Variants in NRP1 observed in about 807,000 individuals in gnomAD.
NRP1 encodes the protein neuropilin 1.
Under a neutral mutation model 106.7 loss-of-function variants are expected in NRP1, and 35 were observed. The ratio of observed to expected loss-of-function variants is 0.33; its 90% CI spans 0.25 to 0.43. The LOEUF (loss-of-function observed/expected upper bound fraction) is 0.43. Ranked by LOEUF, NRP1 falls within the 20% of genes least tolerant of loss-of-function variation. The pLI, the probability that NRP1 is intolerant of heterozygous loss-of-function variation, is 1.00. For missense variants in NRP1, 1,024 were observed against 1,170.4 expected (o/e 0.87, Z 1.83); for synonymous variants, 437 against 417.9 (o/e 1.05, Z -0.56).
chr10:33,209,117 G>A (rs1322620169), intron 9 of NRP1, among the ~76,000 whole-genome samples: 2 of 152,020 alleles, frequency 1.3e-5, no homozygotes, highest in East Asian at 3.9e-4. Flanking sequence ...ACGTTGGCCA[G>A]GCTGGTCTTG....
intron 2 of NRP1, among the ~76,000 whole-genome samples, chr10:33,321,237 T>C (rs1265621090): frequency 6.6e-6 from 1 of 152,198 alleles, no homozygotes; most frequent in African/African-American, 2.4e-5. Context: ...CCGCTTGCCT[T>C]GGCCTCGCAA....
At chr10:33,183,991 T>C (rs1835848225) in intron 15 of NRP1, among the ~76,000 whole-genome samples, 1 of 152,056 alleles carries the variant, frequency 6.6e-6, no homozygotes, top group Non-Finnish European at 1.5e-5. Flanking sequence ...CTTTCTTTTC[T>C]TTTCTCCCTT....
intron 6 of NRP1, among the ~76,000 whole-genome samples, chr10:33,246,118 G>A (rs1234864653): frequency 6.8e-6 from 1 of 146,536 alleles, no homozygotes; most frequent in Non-Finnish European, 1.5e-5. Flanking sequence ...AAATCATATT[G>A]GTAATTTCTT....
At chr10:33,260,655 CAG>C (rs1476851748) in intron 4 of NRP1, among the ~76,000 whole-genome samples, 1 of 152,140 alleles carries the variant, frequency 6.6e-6, no homozygotes, top group East Asian at 1.9e-4. Flanking sequence ...CCAATTTTTT[CAG>C]AGTTGCTACT....
chr10:33,330,914 T>A, intron 1 of NRP1, 32 bp from the exon 2 acceptor site: 1 of 1,558,728 alleles, frequency 6.4e-7, no homozygotes, highest in Non-Finnish European at 8.7e-7. Flanking sequence ...AGCAGATCTT[T>A]CCTGACAACC....
chr10:33,263,403 T>C (rs1360477557), intron 4 of NRP1, among the ~76,000 whole-genome samples: 1 of 152,200 alleles, frequency 6.6e-6, no homozygotes, highest in Non-Finnish European at 1.5e-5. Flanking sequence ...AAAAGAACCT[T>C]TTGTAATCTT....
At position 33,213,641 on chromosome 10, in the gene NRP1, C is replaced by G. The variant is rs1022670563; in HGVS notation, c.1359G>C (p.Gly453=). The G allele has an allele frequency of 4.3e-6, 7 of 1,613,848 alleles. No homozygotes were observed. Among genetic ancestry groups the G allele is most frequent in the Non-Finnish European group, 5.1e-6 (6 of 1,179,980 alleles). ...SDSQITSSNQ[G]DRNWMPENIR... ...TGTTTTCAGGCATCCAGTTTCTGTC[C>G]CCTTGGTTGGATGATGTGATCTGGG... Residue 453 remains glycine (G), a synonymous_variant, in exon 9 of 17, where the codon GGG becomes GGC. Transcript: ENST00000374867.
rs1356982238 is a variant in NRP1 at position 33,334,400 on chromosome 10, C to T, written c.-18G>A. On this transcript the variant is annotated 5_prime_UTR_variant, in exon 1 of 17. Coordinates refer to ENST00000374867, the MANE Select transcript of NRP1 (RefSeq NM_003873.7). ...CTCTCCATTCTCCCTTCTCCGGGTC[C>T]GCAGGCAGACGCGGGAGAACGAGGA... The T allele has an allele frequency of 7.1e-6, 11 of 1,541,504 alleles. No individual in the cohort carries two copies. Among genetic ancestry groups the T allele is most frequent in the Admixed American group, 5.9e-5 (3 of 50,894 alleles).
chr10:33,230,989 G>T (rs1840078782), intron 6 of NRP1, among the ~76,000 whole-genome samples: 1 of 151,958 alleles, frequency 6.6e-6, no homozygotes, highest in South Asian at 2.1e-4. Context: ...TACCTTTTTA[G>T]CCTCCTGCTA....
intron 6 of NRP1, among the ~76,000 whole-genome samples, chr10:33,239,166 C>T (rs1431512951): frequency 6.6e-6 from 1 of 151,834 alleles, no homozygotes; most frequent in Non-Finnish European, 1.5e-5. Context: ...TGGCATGCTC[C>T]TGTAGTCCAG....
chr10:33,310,426 T>C (rs1564477440), intron 2 of NRP1, among the ~76,000 whole-genome samples: 1 of 151,968 alleles, frequency 6.6e-6, no homozygotes, highest in Non-Finnish European at 1.5e-5. Flanking sequence ...AATTTTTGCA[T>C]TTTTAGTAGA....
chr10:33,199,743 CCATG>C (rs1837128725), intron 11 of NRP1, among the ~76,000 whole-genome samples: 1 of 151,990 alleles, frequency 6.6e-6, no homozygotes, highest in African/African-American at 2.4e-5. Flanking sequence ...TGGGGTGGGC[CCATG>C]CCTACCATGG....
At chr10:33,202,197 T>C (rs1837371734) in intron 11 of NRP1, 1 of 155,790 alleles carries the variant, frequency 6.4e-6, no homozygotes, top group African/African-American at 2.4e-5. Context: ...CCAAATGGTA[T>C]AATCCCATTT....
chr10:33,260,645 C>T (rs1171148881), intron 4 of NRP1, among the ~76,000 whole-genome samples: 2 of 152,126 alleles, frequency 1.3e-5, no homozygotes, highest in Non-Finnish European at 2.9e-5. Flanking sequence ...TAAACCTCCA[C>T]CAATTTTTTC....
At chr10:33,282,128 G>GTT (rs5784329) in intron 2 of NRP1, among the ~76,000 whole-genome samples, 62 of 149,320 alleles carry the variant, frequency 4.2e-4, no homozygotes, top group East Asian at 5.9e-4. Context: ...ACCATAGTAT[G>GTT]TTTTTTTTTT....
At chr10:33,218,827 T>C (rs948084534) in intron 8 of NRP1, among the ~76,000 whole-genome samples, 1 of 151,956 alleles carries the variant, frequency 6.6e-6, no homozygotes, top group Admixed American at 6.5e-5. Context: ...GTCCAGCCGC[T>C]TGTTTCTCAG....
chr10:33,241,117 AG>A (rs1840978535), intron 6 of NRP1, among the ~76,000 whole-genome samples: 1 of 152,238 alleles, frequency 6.6e-6, no homozygotes, highest in Admixed American at 6.5e-5. Flanking sequence ...AACTGAGCAA[AG>A]GCCAGCCTAG....
chr10:33,332,535 A>T (rs1848357790), intron 1 of NRP1, among the ~76,000 whole-genome samples: 1 of 152,200 alleles, frequency 6.6e-6, no homozygotes, highest in African/African-American at 2.4e-5. Context: ...ACTTGGTACC[A>T]CACCAGAGCT....
chr10:33,279,026 G>A (rs1185373429), intron 2 of NRP1, among the ~76,000 whole-genome samples: 1 of 152,202 alleles, frequency 6.6e-6, no homozygotes, highest in Non-Finnish European at 1.5e-5. Flanking sequence ...GGCTTTCACT[G>A]TAGTAATGCA....
Sources: allele counts gnomAD v4.1 joint callset (sites outside exome capture counted in the v4.1 genomes callset), GRCh38; gene constraint gnomAD v4.1.1; transcripts MANE v1.5; gene names NCBI Gene and HGNC (gene_info 2026-07-23, HGNC 2026-07-21).